The following MFSD11 variants were observed in gnomAD, a reference collection of about 807,000 sequenced individuals.
The protein encoded by MFSD11 is UNC93-like protein MFSD11.
A neutral mutation model predicts 53.5 loss-of-function variants in MFSD11; 36 were observed. That is an observed-to-expected ratio of 0.67 (90% CI 0.52 to 0.89). The LOEUF (loss-of-function observed/expected upper bound fraction) is 0.89. Ranked by LOEUF, MFSD11 falls within the 40% of genes least tolerant of loss-of-function variation. The probability of loss-of-function intolerance (pLI) is 0.00; values close to 1 mark genes in which losing one functional copy is unlikely to be tolerated. For missense variants in MFSD11, 530 were observed against 543.9 expected (o/e 0.97, Z 0.25); for synonymous variants, 186 against 184.9 (o/e 1.01, Z -0.05).
At chr17:76,794,249 T>C in the MFSD11 span, among the ~76,000 whole-genome samples, 2 of 151,240 alleles carry the variant, frequency 1.3e-5, 1 homozygote, top group African/African-American at 4.9e-5. Context: ...TTTGGGAGGC[T>C]GAGGTGGGTG....
At position 76,750,765 on chromosome 17, in the gene MFSD11, A is replaced by T. The variant is rs1057210304; in HGVS notation, c.642-3282A>T. 3.3e-5 allele frequency among the ~76,000 whole-genome samples: 5 copies of T among 151,064 alleles called. No homozygotes were observed. In the South Asian group the frequency reaches 1.0e-3, roughly 32 times the overall value. ...TTTTTTTGGTAAAAATGCCATTTAGAGATATAGGAGTAGACTTGGCTATTA... is the reference window on the plus strand; with the variant it reads ...TTTTTTTGGTAAAAATGCCATTTAGTGATATAGGAGTAGACTTGGCTATTA... On this transcript the variant is annotated intron_variant, in intron 7 of 12. Coordinates refer to ENST00000685175, the MANE Select transcript of MFSD11 (RefSeq NM_001242532.5).
At chr17:76,798,664 CTGAGCCTCAAGG>C in the MFSD11 span, among the ~76,000 whole-genome samples, 10 of 152,220 alleles carry the variant, frequency 6.6e-5, no homozygotes, top group Admixed American at 1.3e-4. Context: ...TAGTAAAGGT[CTGAGCCTCAAGG>C]TGACTCTCGG....
At chr17:76,752,465 C>CA (rs1344295590) in intron 7 of MFSD11, among the ~76,000 whole-genome samples, 1 of 149,744 alleles carries the variant, frequency 6.7e-6, no homozygotes, top group Non-Finnish European at 1.5e-5. Flanking sequence ...GGCGTGATCT[C>CA]AGTTTCTGGG....
rs368044087 is a variant in MFSD11 at position 76,753,369 on chromosome 17, T to TCA, written c.642-677_642-676dup. ...AAAATTGAGTACTCACAGATTATTT[T>TCA]CAGTTTGAAGGTAACAGGATAGGCC... On this transcript the variant is annotated intron_variant, in intron 7 of 12. Transcript: ENST00000685175. Among the ~76,000 whole-genome samples the TCA allele has an allele frequency of 8.3e-4, 126 of 152,244 alleles. No homozygotes were observed. In the South Asian group the frequency reaches 0.013, roughly 16 times the overall value.
chr17:76,784,146 G>T (rs902177970), downstream of MFSD11, among the ~76,000 whole-genome samples: 1 of 152,114 alleles, frequency 6.6e-6, no homozygotes, highest in African/African-American at 2.4e-5. Context: ...AGAGTTAAAA[G>T]CAGACTTGAA....
chr17:76,736,693 CCCCGT>C, upstream of MFSD11: 2 of 1,294,672 alleles, frequency 1.5e-6, no homozygotes, highest in African/African-American at 3.1e-5. Flanking sequence ...TGCACCCCCG[CCCCGT>C]CCGGGCCCGC....
intron 2 of MFSD11, among the ~76,000 whole-genome samples, chr17:76,739,936 G>T (rs1421226455): frequency 1.3e-5 from 2 of 152,092 alleles, no homozygotes; most frequent in Non-Finnish European, 2.9e-5. Flanking sequence ...GGAGGCGGAG[G>T]TGGGCGGATC....
chr17:76,755,814 T>TTATTTA (rs2079554445), intron 8 of MFSD11, among the ~76,000 whole-genome samples: 1 of 7,850 alleles, frequency 1.3e-4, no homozygotes, highest in Non-Finnish European at 2.6e-4. Flanking sequence ...ATATATATAT[T>TTATTTA]TTTTTTTTTT....
the MFSD11 span, among the ~76,000 whole-genome samples, chr17:76,793,134 T>A: frequency 1.8e-3 from 270 of 151,422 alleles, 6 homozygotes; most frequent in Admixed American, 4.1e-3. Flanking sequence ...ATTGATAACA[T>A]CTTATCAGGA....
the MFSD11 span, among the ~76,000 whole-genome samples, chr17:76,803,017 C>T: frequency 6.6e-6 from 1 of 152,006 alleles, no homozygotes; most frequent in African/African-American, 2.4e-5. Flanking sequence ...ATTAGCCGGG[C>T]GTGGTGGCAG....
At position 76,744,336 on chromosome 17, in the gene MFSD11, A is replaced by G; in HGVS notation, c.511A>G (p.Thr171Ala). 1 of 1,611,150 alleles carries G rather than the reference A, an allele frequency of 6.2e-7. No homozygotes were observed. The highest frequency in any genetic ancestry group is 1.1e-5 in the South Asian group (1 of 90,226). ...TTTCTCCGTAGAGAGTGACCGAAGA[A>G]CAGTGTTTATTGCCCTAACGGTGAT... is the stretch of plus-strand genomic sequence containing the variant. ...KTQISESDRRTVFIALTVISL... is the reference protein window; with the variant it reads ...KTQISESDRRAVFIALTVISL... Residue 171 changes from threonine (T) to alanine (A), a missense_variant, in exon 7 of 13, where the codon ACA (threonine) becomes GCA (alanine). Physicochemically the swap from Thr to Ala is moderately conservative, Grantham distance 58. Transcript: ENST00000685175.
upstream of MFSD11, chr17:76,738,062 C>T: frequency 2.3e-6 from 1 of 434,156 alleles, no homozygotes; most frequent in Non-Finnish European, 4.1e-6. Flanking sequence ...CCCTTTAATC[C>T]CCTTCGTGGG....
chr17:76,758,519 G>C (rs916506969), intron 8 of MFSD11, among the ~76,000 whole-genome samples: 2 of 148,672 alleles, frequency 1.3e-5, no homozygotes, highest in African/African-American at 2.5e-5. Context: ...GGAGGTCAAG[G>C]CTGCAGTAAA....
chr17:76,745,239 C>CT (rs2144210871), intron 7 of MFSD11, among the ~76,000 whole-genome samples: 1 of 152,310 alleles, frequency 6.6e-6, no homozygotes, highest in South Asian at 2.1e-4. Context: ...CCCATGCTGA[C>CT]TTTGTAATCC....
chr17:76,737,241 G>A (rs567186340), upstream of MFSD11: 1,107 of 1,455,512 alleles, frequency 7.6e-4, no homozygotes, highest in Non-Finnish European at 9.3e-4. Flanking sequence ...CGCCTCTCAG[G>A]CAGTTGCCTT....
downstream of MFSD11, among the ~76,000 whole-genome samples, chr17:76,784,926 T>C (rs8072219): frequency 0.026 from 3,954 of 152,216 alleles, 173 homozygotes; most frequent in African/African-American, 0.09. Context: ...AAAAAACTTA[T>C]TCTCAACAAA....
chr17:76,737,081 G>A, upstream of MFSD11: 1 of 1,612,600 alleles, frequency 6.2e-7, no homozygotes. Flanking sequence ...CAGCGTGTCG[G>A]GCGAGGTGCG....
chr17:76,786,525 C>G, the MFSD11 span, among the ~76,000 whole-genome samples: 3 of 152,180 alleles, frequency 2.0e-5, no homozygotes, highest in Non-Finnish European at 2.9e-5. Flanking sequence ...AGTCAGAATG[C>G]GCAGCTGGGT....
chr17:76,768,265 T>C (rs2081049152), intron 9 of MFSD11, among the ~76,000 whole-genome samples: 1 of 142,812 alleles, frequency 7.0e-6, no homozygotes, highest in South Asian at 2.2e-4. Flanking sequence ...ATGGCACCAC[T>C]ATACTCCAGC....
Sources: allele counts gnomAD v4.1 joint callset (sites outside exome capture counted in the v4.1 genomes callset), GRCh38; gene constraint gnomAD v4.1.1; transcripts MANE v1.5; gene names NCBI Gene and HGNC (gene_info 2026-07-23, HGNC 2026-07-21).